BEND7: variants seen among roughly 807,000 people sequenced by gnomAD.
BEND7 encodes BEN domain containing 7.
A neutral mutation model predicts 50.9 loss-of-function variants in BEND7; 28 were observed. That is an observed-to-expected ratio of 0.55 (90% CI 0.41 to 0.75). The LOEUF (loss-of-function observed/expected upper bound fraction) is 0.75. Ranked by LOEUF, BEND7 falls within the 30% of genes least tolerant of loss-of-function variation. The probability of loss-of-function intolerance (pLI) is 0.00; values close to 1 mark genes in which losing one functional copy is unlikely to be tolerated. For missense variants in BEND7, 477 were observed against 491.3 expected, an observed-to-expected ratio of 0.97 and a Z score of 0.28; for synonymous variants, 170 against 183.9, an observed-to-expected ratio of 0.92 and a Z score of 0.61.
intron 2 of BEND7, among the ~76,000 whole-genome samples, chr10:13,516,679 C>T (rs906388620): frequency 3.9e-5 from 6 of 152,038 alleles, no homozygotes; most frequent in East Asian, 1.9e-4. Flanking sequence ...GAACCAAAAT[C>T]GCGCCGCTGC....
chr10:13,515,631 C>T (rs770112032), intron 2 of BEND7, among the ~76,000 whole-genome samples: 7 of 152,178 alleles, frequency 4.6e-5, no homozygotes, highest in Non-Finnish European at 7.3e-5. Flanking sequence ...TAACCTGACC[C>T]CCAGTGGAAT....
chr10:13,454,089 G>T (rs937245456), intron 6 of BEND7, among the ~76,000 whole-genome samples: 1 of 152,194 alleles, frequency 6.6e-6, no homozygotes, highest in Non-Finnish European at 1.5e-5. Flanking sequence ...GCGAAAGCCG[G>T]AGCTAGTGAC....
chr10:13,506,926 T>C (rs2077938498), intron 2 of BEND7, among the ~76,000 whole-genome samples: 2 of 152,110 alleles, frequency 1.3e-5, no homozygotes, highest in East Asian at 1.9e-4. Context: ...TGGAAAAACA[T>C]GCATGCAAGG....
At chr10:13,454,984 C>T (rs532986716) in intron 6 of BEND7, among the ~76,000 whole-genome samples, 1 of 152,242 alleles carries the variant, frequency 6.6e-6, no homozygotes, top group South Asian at 2.1e-4. Flanking sequence ...CCAGCCTGGC[C>T]AACACAGTGA....
chr10:13,439,344 C>T, downstream of BEND7: 1 of 1,614,150 alleles, frequency 6.2e-7, no homozygotes, highest in South Asian at 1.1e-5. Context: ...AGCTCTGTCT[C>T]TGGTAAGGTT....
In BEND7 at chr10:13,479,169, G is replaced by A. The variant is rs191104300; in HGVS notation, c.1063+1730C>T. Among the ~76,000 whole-genome samples, 280 of 151,992 alleles carry A rather than the reference G, an allele frequency of 1.8e-3. 5 individuals carry two copies. Among genetic ancestry groups the A allele is most frequent in the Admixed American group, 0.015 (226 of 15,252 alleles). ...CTACAGGTGTGCATCATCATGCCCCGCTAATTTTTTTTAATTTTTAGTAGA... is the reference window on the plus strand; with the variant it reads ...CTACAGGTGTGCATCATCATGCCCCACTAATTTTTTTTAATTTTTAGTAGA... On this transcript the variant is annotated intron_variant, in intron 6 of 8. Transcript: ENST00000466271.
intron 5 of BEND7, among the ~76,000 whole-genome samples, chr10:13,489,204 G>A (rs1286850960): frequency 6.6e-6 from 1 of 152,168 alleles, no homozygotes; most frequent in Non-Finnish European, 1.5e-5. Flanking sequence ...CAGGTTCATT[G>A]CTCAGGGTCA....
chr10:13,449,131 G>A (rs542100184), intron 7 of BEND7, among the ~76,000 whole-genome samples: 2 of 152,152 alleles, frequency 1.3e-5, no homozygotes, highest in African/African-American at 4.8e-5. Context: ...TGGATGAAAG[G>A]CTTTAGGTAT....
intron 6 of BEND7, among the ~76,000 whole-genome samples, chr10:13,460,265 A>G (rs1238085905): frequency 2.0e-5 from 3 of 152,174 alleles, no homozygotes; most frequent in Non-Finnish European, 4.4e-5. Context: ...GACAAGGCTC[A>G]TGGAGAGGGA....
At chr10:13,525,547 G>C (rs1195245300) in intron 2 of BEND7, among the ~76,000 whole-genome samples, 1 of 152,200 alleles carries the variant, frequency 6.6e-6, no homozygotes, top group Non-Finnish European at 1.5e-5. Context: ...ATGAGGAGCT[G>C]CTTGATGATA....
intron 6 of BEND7, among the ~76,000 whole-genome samples, chr10:13,479,205 C>T (rs2075684020): frequency 6.6e-6 from 1 of 151,968 alleles, no homozygotes; most frequent in South Asian, 2.1e-4. Flanking sequence ...GACGGGGTTT[C>T]ACCATGTTGG....
chr10:13,466,228 ATTTT>A (rs376860540), intron 6 of BEND7, among the ~76,000 whole-genome samples: 1 of 140,568 alleles, frequency 7.1e-6, no homozygotes. Flanking sequence ...CGTTGAATCC[ATTTT>A]TTTTTTTTTT....
chr10:13,442,998 A>G (rs1835567641), intron 8 of BEND7: 1 of 152,238 alleles, frequency 6.6e-6, no homozygotes. Context: ...AGCAATTTAC[A>G]TTAAAATAAA....
chr10:13,458,289 G>C (rs150201488), intron 6 of BEND7, among the ~76,000 whole-genome samples: 1 of 152,220 alleles, frequency 6.6e-6, no homozygotes, highest in African/African-American at 2.4e-5. Flanking sequence ...AGGCGGCAGC[G>C]CGTGGCGTGT....
At chr10:13,453,241 T>C (rs7096540) in intron 6 of BEND7, among the ~76,000 whole-genome samples, 47,328 of 150,670 alleles carry the variant, frequency 0.31, 8,644 homozygotes, top group East Asian at 0.68. Flanking sequence ...AACCCCACGG[T>C]AGGACACAAG....
intron 6 of BEND7, among the ~76,000 whole-genome samples, chr10:13,479,134 G>C (rs186911077): frequency 1.3e-5 from 2 of 151,674 alleles, no homozygotes. Flanking sequence ...AGCCTCCCAA[G>C]TAGCTGGGAC....
At chr10:13,526,117 T>G in intron 2 of BEND7, 21 bp downstream of exon 2, 13 of 1,230,030 alleles carry the variant, frequency 1.1e-5, no homozygotes, top group Non-Finnish European at 1.4e-5. Context: ...TGCTGAGGTA[T>G]TAATTGACAT....
Position 13,443,515 on chromosome 10 carries a change from T to G in BEND7, c.1235-1765A>C, listed in dbSNP as rs533586803. ...CGTTCTGGACAAGTAAACAATTTAC[T>G]GGGGAGGTGTCTGTGTTTCACACTT... is the stretch of plus-strand genomic sequence containing the variant. On this transcript the variant is annotated intron_variant, in intron 8 of 8. Transcript: ENST00000466271. 4.6e-5 allele frequency: 7 copies of G among 152,744 alleles called. No homozygotes were observed. In the South Asian group the frequency reaches 1.0e-3, roughly 23 times the overall value. The allele number at this position is 152,744 out of a possible 1,614,324, so 9.5% of individuals were successfully genotyped here. A position where few individuals can be genotyped will look rare whatever the true frequency, so the allele number is the denominator to read the frequency against.
At chr10:13,514,787 T>G (rs542858463) in intron 2 of BEND7, among the ~76,000 whole-genome samples, 1 of 152,326 alleles carries the variant, frequency 6.6e-6, no homozygotes, top group African/African-American at 2.4e-5. Context: ...AAAAATTATC[T>G]ATGTGCAATG....
Sources: allele counts gnomAD v4.1 joint callset (sites outside exome capture counted in the v4.1 genomes callset), GRCh38; gene constraint gnomAD v4.1.1; transcripts MANE v1.5; gene names NCBI Gene and HGNC (gene_info 2026-07-23, HGNC 2026-07-21).